The following KIF6 variants were observed in gnomAD, a reference collection of about 807,000 sequenced individuals.
KIF6 encodes kinesin family member 6, also known as kinesin-like protein KIF6.
Under a neutral mutation model 112.7 loss-of-function variants are expected in KIF6, and 106 were observed. The observed-to-expected ratio is 0.94, with a 90% CI of 0.80 to 1.11. The LOEUF (loss-of-function observed/expected upper bound fraction) is 1.11, where lower values mean the gene tolerates loss of function less well. Among genes scored for constraint, KIF6 ranks in the 50% least tolerant of loss-of-function variants. The pLI, the probability that KIF6 is intolerant of heterozygous loss-of-function variation, is 0.00. For missense variants in KIF6, 929 were observed against 964.0 expected (o/e 0.96, Z 0.48); for synonymous variants, 339 against 339.9 (o/e 1.00, Z 0.03).
chr6:39,721,050 A>T (rs1193588164), intron 1 of KIF6, among the ~76,000 whole-genome samples: 3 of 152,218 alleles, frequency 2.0e-5, no homozygotes, highest in Admixed American at 6.5e-5. Flanking sequence ...TCTTTGAATG[A>T]TCTAACATTC....
intron 13 of KIF6, among the ~76,000 whole-genome samples, chr6:39,482,711 G>T (rs1431255422): frequency 6.6e-6 from 1 of 152,198 alleles, no homozygotes; most frequent in African/African-American, 2.4e-5. Flanking sequence ...TTGGAGAGCT[G>T]CCTCCCTCCC....
At chr6:39,338,537 A>G (rs1583819688) in intron 22 of KIF6, among the ~76,000 whole-genome samples, 1 of 152,178 alleles carries the variant, frequency 6.6e-6, no homozygotes, top group Non-Finnish European at 1.5e-5. Context: ...AGACAAGTAC[A>G]CCGAGCCTAT....
intron 16 of KIF6, among the ~76,000 whole-genome samples, chr6:39,374,427 G>A (rs936038728): frequency 1.6e-4 from 24 of 152,092 alleles, no homozygotes; most frequent in African/African-American, 5.6e-4. Context: ...ACAATCAACA[G>A]ACTAAAGAGA....
chr6:39,420,773 T>C (rs1581814207), intron 14 of KIF6, among the ~76,000 whole-genome samples: 1 of 152,336 alleles, frequency 6.6e-6, no homozygotes, highest in Non-Finnish European at 1.5e-5. Context: ...GGGATCATAA[T>C]ACAGATATGA....
At chr6:39,356,159 G>A (rs1041081371) in intron 19 of KIF6, among the ~76,000 whole-genome samples, 2 of 151,904 alleles carry the variant, frequency 1.3e-5, no homozygotes, top group South Asian at 2.1e-4. Flanking sequence ...CCATTGGGAT[G>A]TGTCTGATGT....
At chr6:39,681,670 C>T (rs1217655065) in intron 3 of KIF6, among the ~76,000 whole-genome samples, 1 of 152,130 alleles carries the variant, frequency 6.6e-6, no homozygotes, top group East Asian at 1.9e-4. Flanking sequence ...AGATAGATCT[C>T]ACTTCTCATT....
intron 13 of KIF6, among the ~76,000 whole-genome samples, chr6:39,432,680 A>G (rs796157274): frequency 1.3e-5 from 2 of 152,258 alleles, no homozygotes; most frequent in African/African-American, 4.8e-5. Context: ...CAGAAAGATG[A>G]TCCCTGATGC....
chr6:39,458,460 A>T (rs1376068671), intron 13 of KIF6, among the ~76,000 whole-genome samples: 1 of 147,362 alleles, frequency 6.8e-6, no homozygotes, highest in Non-Finnish European at 1.5e-5. Flanking sequence ...GAAAACTGGC[A>T]CAAGACAGGG....
intron 15 of KIF6, among the ~76,000 whole-genome samples, chr6:39,415,757 T>G (rs77999243): frequency 0.028 from 4,194 of 152,312 alleles, 191 homozygotes; most frequent in African/African-American, 0.094. Context: ...GTCTGGTTTA[T>G]TCTGCCGACA....
chr6:39,468,923 G>A (rs1318627468), intron 13 of KIF6, among the ~76,000 whole-genome samples: 3 of 152,074 alleles, frequency 2.0e-5, no homozygotes, highest in Admixed American at 1.3e-4. Context: ...GTGTAATGTA[G>A]TTGTTAGTAA....
At position 39,613,175 on chromosome 6, in the gene KIF6, G is replaced by T; in HGVS notation, c.639+14C>A. The T allele has an allele frequency of 6.4e-7, 1 of 1,557,738 alleles. No homozygotes were observed. Among genetic ancestry groups the T allele is most frequent in the South Asian group, 1.2e-5 (1 of 80,868 alleles). Reference sequence around the variant, plus strand: ...TAATGTTGAAGAAACAGCTTGCAGAGAGAAGTTTATTACCTCTGCAATCAT... The same window carrying T: ...TAATGTTGAAGAAACAGCTTGCAGATAGAAGTTTATTACCTCTGCAATCAT... On this transcript the variant is annotated intron_variant, in intron 6 of 22. Transcript: ENST00000287152.
intron 10 of KIF6, among the ~76,000 whole-genome samples, chr6:39,550,876 G>T (rs908487738): frequency 5.3e-5 from 8 of 152,188 alleles, no homozygotes; most frequent in African/African-American, 1.9e-4. Flanking sequence ...CCTGAGCAAA[G>T]ATCGGGAAAA....
At chr6:39,708,455 C>T (rs1473469336) in intron 3 of KIF6, among the ~76,000 whole-genome samples, 1 of 152,162 alleles carries the variant, frequency 6.6e-6, no homozygotes, top group East Asian at 1.9e-4. Context: ...TTTCCAAAAG[C>T]CAACCTCATT....
Position 39,392,232 on chromosome 6 carries a change from C to G in KIF6, c.1811-6560G>C, listed in dbSNP as rs9380858. Among the ~76,000 whole-genome samples the G allele has an allele frequency of 0.016, 2,388 of 152,280 alleles. 138 individuals carry two copies. In the East Asian group the frequency reaches 0.21, roughly 13 times the overall value. ...TGTATATGCATCTAATTCTCAGTTT[C>G]TGACTGCTACATCCATTCCACAGAA... is the stretch of plus-strand genomic sequence containing the variant. On this transcript the variant is annotated intron_variant, in intron 15 of 22. Coordinates refer to ENST00000287152, the MANE Select transcript of KIF6 (RefSeq NM_145027.6).
intron 22 of KIF6, among the ~76,000 whole-genome samples, chr6:39,337,875 A>G (rs188773258): frequency 2.0e-5 from 3 of 152,340 alleles, no homozygotes; most frequent in African/African-American, 7.2e-5. Flanking sequence ...TTGCTGGAGC[A>G]GATGAGATAC....
chr6:39,568,933 C>G (rs1238583319), intron 10 of KIF6, among the ~76,000 whole-genome samples: 1 of 152,102 alleles, frequency 6.6e-6, no homozygotes, highest in Non-Finnish European at 1.5e-5. Flanking sequence ...ATGGTTTAGA[C>G]TCTTCTGTAG....
At chr6:39,496,367 G>GT (rs906373582) in intron 13 of KIF6, among the ~76,000 whole-genome samples, 4 of 152,112 alleles carry the variant, frequency 2.6e-5, no homozygotes, top group African/African-American at 9.7e-5. Flanking sequence ...AATTGCTAAC[G>GT]TTTTTTGACT....
chr6:39,520,142 G>A (rs1360600204), intron 13 of KIF6, among the ~76,000 whole-genome samples: 2 of 152,108 alleles, frequency 1.3e-5, no homozygotes, highest in African/African-American at 4.8e-5. Flanking sequence ...TTATATACTA[G>A]CTATGAATCC....
chr6:39,671,915 C>T lies in KIF6; in HGVS notation c.252-32158G>A, dbSNP rs550972784. Among the ~76,000 whole-genome samples, 4 of 152,274 alleles carry T rather than the reference C, an allele frequency of 2.6e-5. No homozygotes were observed. The East Asian group carries it at 5.8e-4, about 22-fold the overall frequency. ...ACTTCAAAGATGTGCATGTTAGATT[C>T]ACTGGTGTGTTTAAATGGTCACAGT... On this transcript the variant is annotated intron_variant, in intron 3 of 22. Coordinates refer to ENST00000287152, the MANE Select transcript of KIF6 (RefSeq NM_145027.6).
Sources: gnomAD v4.1 joint callset for allele counts (sites outside exome capture counted in the v4.1 genomes callset) on GRCh38, gnomAD v4.1.1 for gene constraint, MANE v1.5 for transcripts, NCBI Gene and HGNC (gene_info 2026-07-23, HGNC 2026-07-21) for gene names.